The following MLIP variants were observed in gnomAD, a reference collection of about 807,000 sequenced individuals.
The protein encoded by MLIP is muscular LMNA interacting protein.
Under a neutral mutation model 84.8 loss-of-function variants are expected in MLIP, and 79 were observed. That is an observed-to-expected ratio of 0.93 (90% confidence interval 0.78 to 1.12). The LOEUF (loss-of-function observed/expected upper bound fraction) is 1.12, where lower values mean the gene tolerates loss of function less well. Ranked by LOEUF, MLIP falls within the 50% of genes most tolerant of loss-of-function variation. The pLI is 0.00. For synonymous variants in MLIP, 504 were observed against 463.0 expected (o/e 1.09, Z -1.14); for missense variants, 1,257 against 1,160.6 (o/e 1.08, Z -1.21).
exon 1 of MLIP, chr6:54,018,972 AC>A (rs747789887): frequency 1.0e-4 from 152 of 1,462,516 alleles, no homozygotes; most frequent in Non-Finnish European, 1.4e-4. Flanking sequence ...CATTTTCTAG[AC>A]AGAATCTGAA....
intron 11 of MLIP, among the ~76,000 whole-genome samples, chr6:54,221,471 G>T (rs910570284): frequency 2.6e-5 from 4 of 151,838 alleles, no homozygotes; most frequent in Non-Finnish European, 4.4e-5. Context: ...TAAAAAAAAG[G>T]AGAGATCATA....
At chr6:54,254,166 A>C (rs9474775) in intron 12 of MLIP, among the ~76,000 whole-genome samples, 18,232 of 145,600 alleles carry the variant, frequency 0.13, 1,595 homozygotes, top group African/African-American at 0.24. Context: ...TTGCTCTGTC[A>C]CCCAGGCTAG....
chr6:54,075,376 A>C (rs113425475), intron 1 of MLIP, among the ~76,000 whole-genome samples: 65 of 151,866 alleles, frequency 4.3e-4, no homozygotes, highest in African/African-American at 1.5e-3. Context: ...TGCTGTATCT[A>C]GGTGGATTTG....
At chr6:54,237,891 C>T (rs1303092942) in intron 12 of MLIP, among the ~76,000 whole-genome samples, 4 of 152,058 alleles carry the variant, frequency 2.6e-5, no homozygotes, top group African/African-American at 9.6e-5. Context: ...AGGATATTTT[C>T]TTTATTTTTG....
In MLIP at chr6:54,095,852, A is replaced by T. The variant is rs145678375; in HGVS notation, c.64-25595A>T. On this transcript the variant is annotated intron_variant, in intron 1 of 12. Transcript: ENST00000274897. ...ATTTGCTTTCATGGTCTCAAGATGAATTGCAAGTTTTCTTCCTTGGAAGAT... is the reference window on the plus strand; with the variant it reads ...ATTTGCTTTCATGGTCTCAAGATGATTTGCAAGTTTTCTTCCTTGGAAGAT... Among the ~76,000 whole-genome samples, 614 of 152,242 alleles carry T rather than the reference A, an allele frequency of 4.0e-3. 3 individuals are homozygous for T. The highest frequency in any genetic ancestry group is 6.8e-3 in the Non-Finnish European group (462 of 68,008).
intron 9 of MLIP, among the ~76,000 whole-genome samples, chr6:54,182,485 C>T (rs188864912): frequency 2.6e-5 from 4 of 152,296 alleles, no homozygotes; most frequent in Non-Finnish European, 5.9e-5. Context: ...ACTATGATTG[C>T]TCACCTAATT....
chr6:54,261,100 C>T (rs952632899), intron 13 of MLIP, among the ~76,000 whole-genome samples: 6 of 151,956 alleles, frequency 3.9e-5, no homozygotes, highest in South Asian at 2.1e-4. Context: ...AGAGCATACT[C>T]GTTGACTAAG....
chr6:54,033,267 A>ATT (rs1190645133), intron 1 of MLIP, among the ~76,000 whole-genome samples: 13 of 141,044 alleles, frequency 9.2e-5, no homozygotes, highest in African/African-American at 1.0e-4. Flanking sequence ...GGAGGAACTA[A>ATT]TTTTTTTTTT....
chr6:54,248,503 G>C (rs1166480566), intron 12 of MLIP, among the ~76,000 whole-genome samples: 1 of 152,062 alleles, frequency 6.6e-6, no homozygotes, highest in African/African-American at 2.4e-5. Context: ...TGGTTTTCTA[G>C]TTGAGAAAGA....
At chr6:54,233,057 T>G (rs1465167216) in intron 12 of MLIP, among the ~76,000 whole-genome samples, 1 of 152,244 alleles carries the variant, frequency 6.6e-6, no homozygotes, top group African/African-American at 2.4e-5. Context: ...TATAACTGGG[T>G]GCATCATATC....
At chr6:54,136,633 A>G (rs1353015601) in intron 3 of MLIP, 82 bp from the exon 4 acceptor site, 1 of 1,284,834 alleles carries the variant, frequency 7.8e-7, no homozygotes, top group Non-Finnish European at 1.0e-6. Flanking sequence ...AATTGTTTGT[A>G]TAATCGCACA....
At chr6:54,078,296 G>A (rs1253582185) in intron 1 of MLIP, among the ~76,000 whole-genome samples, 1 of 152,190 alleles carries the variant, frequency 6.6e-6, no homozygotes, top group Non-Finnish European at 1.5e-5. Flanking sequence ...CATAGGCATA[G>A]AGTAATGTCA....
chr6:54,189,306 C>A lies in MLIP; in HGVS notation c.2545-564C>A, dbSNP rs186683407. On this transcript the variant is annotated intron_variant, in intron 9 of 13. Transcript: ENST00000502396. ...TTTTTAAAAATGAAAGAAACTAAAT[C>A]CAGATGAAAGGGTTGAAATATAGGA... Among the ~76,000 whole-genome samples, 250 of 152,158 alleles carry A rather than the reference C, an allele frequency of 1.6e-3. 3 individuals carry two copies. Among genetic ancestry groups the A allele is most frequent in the Admixed American group, 0.015 (227 of 15,276 alleles).
chr6:54,265,623 G>T (rs985169387), intron 13 of MLIP, among the ~76,000 whole-genome samples: 3 of 152,110 alleles, frequency 2.0e-5, no homozygotes, highest in African/African-American at 7.2e-5. Flanking sequence ...AAGGGTGTGG[G>T]TGTGGGTGAG....
rs1222604014 is a variant in MLIP at position 54,202,176 on chromosome 6, T to C, written c.2661T>C (p.Tyr887=). ...TACTGAAAAAAGAGGAGGAAGTCTA[T>C]GAACCCAACCCTTTCAGTAAATACT... ...RILLKKEEEV[Y]EPNPFSKYLE... Residue 887 remains tyrosine, a synonymous_variant, in exon 11 of 14, where the codon TAT becomes TAC. Coordinates refer to ENST00000502396, the MANE Select transcript of MLIP (RefSeq NM_001281747.2). The C allele has an allele frequency of 3.1e-6, 5 of 1,601,710 alleles. No individual in the cohort carries two copies. Among genetic ancestry groups the C allele is most frequent in the South Asian group, 1.1e-5 (1 of 89,036 alleles).
intron 9 of MLIP, among the ~76,000 whole-genome samples, chr6:54,176,909 C>G (rs2754794): frequency 0.85 from 129,174 of 152,020 alleles, 55,935 homozygotes; most frequent in Non-Finnish European, 0.94. Flanking sequence ...ACATCTACAA[C>G]TATCTGATCT....
At chr6:54,055,632 T>A (rs991330368) in intron 1 of MLIP, among the ~76,000 whole-genome samples, 3 of 152,056 alleles carry the variant, frequency 2.0e-5, no homozygotes, top group Non-Finnish European at 2.9e-5. Flanking sequence ...AAATCAACAT[T>A]TGAGTGAGGG....
intron 1 of MLIP, among the ~76,000 whole-genome samples, chr6:54,077,676 T>G (rs2150352414): frequency 6.6e-6 from 1 of 152,306 alleles, no homozygotes; most frequent in East Asian, 1.9e-4. Context: ...AAGAGGCAGA[T>G]GCCATGTGTC....
chr6:54,176,590 T>C (rs1378853425), intron 9 of MLIP, among the ~76,000 whole-genome samples: 1 of 152,024 alleles, frequency 6.6e-6, no homozygotes, highest in African/African-American at 2.4e-5. Context: ...TGCTCCTGCA[T>C]AGGAAGAATC....
Sources: gnomAD v4.1 joint callset for allele counts (sites outside exome capture counted in the v4.1 genomes callset) on GRCh38, gnomAD v4.1.1 for gene constraint, MANE v1.5 for transcripts, NCBI Gene and HGNC (gene_info 2026-07-23, HGNC 2026-07-21) for gene names.